The following NFKBIA variants were observed in gnomAD, a reference collection of about 807,000 sequenced individuals.
The protein encoded by NFKBIA is NF-kappa-B inhibitor alpha.
In NFKBIA, 10 loss-of-function variants were observed where a neutral mutation model predicts 36.3. The observed-to-expected ratio is 0.28, with a 90% confidence interval of 0.17 to 0.47. The LOEUF (loss-of-function observed/expected upper bound fraction) is 0.47. Ranked by LOEUF, NFKBIA falls within the 20% of genes least tolerant of loss-of-function variation. The probability of loss-of-function intolerance (pLI) is 0.99; values close to 1 mark genes in which losing one functional copy is unlikely to be tolerated. For missense variants in NFKBIA, 355 were observed against 399.3 expected, an observed-to-expected ratio of 0.89 and a Z score of 0.94; for synonymous variants, 205 against 164.4, an observed-to-expected ratio of 1.25 and a Z score of -1.89.
Position 35,404,664 on chromosome 14 carries a change from C to A in NFKBIA, c.-20G>T. On this transcript the variant is annotated 5_prime_UTR_variant, in exon 1 of 6. Coordinates refer to ENST00000216797, the MANE Select transcript of NFKBIA (RefSeq NM_020529.3). ...GAACATGGCGCGGACGAGCTGCGGG[C>A]GCTGCTGCGGGTGCGCTGGGCCGCG... is the stretch of plus-strand genomic sequence containing the variant. The A allele has an allele frequency of 2.1e-6, 3 of 1,452,690 alleles. No homozygotes were observed. The highest frequency in any genetic ancestry group is 2.7e-6 in the Non-Finnish European group (3 of 1,098,726). The allele number at this position is 1,452,690 out of a possible 1,614,324, so 90.0% of individuals were successfully genotyped here.
rs375256332 is a variant in NFKBIA at position 35,401,989 on chromosome 14, C to T, written c.*24G>A. The T allele has an allele frequency of 4.3e-6, 7 of 1,612,168 alleles. No individual in the cohort carries two copies. Among genetic ancestry groups the T allele is most frequent in the Admixed American group, 3.3e-5 (2 of 59,948 alleles). ...TTTTTTTTGTACAAATATACAAGTC[C>T]ATGTTCTTTCAGCCCCTTTGCGCTC... On this transcript the variant is annotated 3_prime_UTR_variant, in exon 6 of 6. Transcript: ENST00000216797.
chr14:35,404,614 A>T lies in NFKBIA; in HGVS notation c.31T>A (p.Trp11Arg), dbSNP rs1306827115. ...CCGTCGCGGGGGCCCTCCATGGCCC[A>T]CTCCTGGGGGCGCTCGGCCGCCTGG... is the stretch of plus-strand genomic sequence containing the variant. MFQAAERPQE[W>R]AMEGPRDGLK... The change falls in exon 1 of 6, where the codon TGG becomes AGG. Residue 11 changes from tryptophan (W) to arginine (R), a missense_variant. Coordinates refer to ENST00000216797, the MANE Select transcript of NFKBIA (RefSeq NM_020529.3). 1 of 1,553,030 alleles carries T rather than the reference A, an allele frequency of 6.4e-7. No homozygotes were observed. The highest frequency in any genetic ancestry group is 1.4e-5 in the African/African-American group (1 of 71,004).
rs765624161 is a variant in NFKBIA at position 35,404,675 on chromosome 14, G to C, written c.-31C>G. On this transcript the variant is annotated 5_prime_UTR_variant, in exon 1 of 6. Coordinates refer to ENST00000216797, the MANE Select transcript of NFKBIA (RefSeq NM_020529.3). ...GGACGAGCTGCGGGCGCTGCTGCGG[G>C]TGCGCTGGGCCGCGGGCTGCGCGCT... 7.0e-7 allele frequency: 1 copy of C among 1,420,748 alleles called. No individual in the cohort carries two copies. The highest frequency in any genetic ancestry group is 1.4e-5 in the South Asian group (1 of 70,016). The allele number at this position is 1,420,748 out of a possible 1,614,324, so 88.0% of individuals were successfully genotyped here. A position where few individuals can be genotyped will look rare whatever the true frequency, so the allele number is the denominator to read the frequency against.
chr14:35,403,260 G>T lies in NFKBIA; in HGVS notation c.437C>A (p.Thr146Asn), dbSNP rs753691609. 6.2e-7 allele frequency: 1 copy of T among 1,613,624 alleles called. No individual in the cohort carries two copies. Residue 146 changes from threonine (T) to asparagine (N), a missense_variant, in exon 3 of 6, where the codon ACC (threonine) becomes AAC (asparagine). Coordinates refer to ENST00000216797, the MANE Select transcript of NFKBIA (RefSeq NM_020529.3). ...DPELRDFRGN[T>N]PLHLACEQGC... ...CTGCTCACAGGCAAGGTGTAGGGGGGTATTTCCTCGAAAGTCTCGGAGCTC... is the reference window on the plus strand; with the variant it reads ...CTGCTCACAGGCAAGGTGTAGGGGGTTATTTCCTCGAAAGTCTCGGAGCTC...
rs9333352 is a variant in NFKBIA at position 35,401,995 on chromosome 14, C to G, written c.*18G>C. 1.6e-3 allele frequency: 2,547 copies of G among 1,613,102 alleles called. 13 individuals are homozygous for G. Among genetic ancestry groups the G allele is most frequent in the Middle Eastern group, 5.0e-3 (30 of 6,028 alleles). Reference sequence around the variant, plus strand: ...TTGTACAAATATACAAGTCCATGTTCTTTCAGCCCCTTTGCGCTCATAACG... The same window carrying G: ...TTGTACAAATATACAAGTCCATGTTGTTTCAGCCCCTTTGCGCTCATAACG... On this transcript the variant is annotated 3_prime_UTR_variant, in exon 6 of 6. Coordinates refer to ENST00000216797, the MANE Select transcript of NFKBIA (RefSeq NM_020529.3).
Position 35,403,193 on chromosome 14 carries a change from G to A in NFKBIA, c.504C>T (p.Thr168=), listed in dbSNP as rs768764676. 4.3e-6 allele frequency: 7 copies of A among 1,612,194 alleles called. No individual in the cohort carries two copies. In the South Asian group the frequency reaches 7.7e-5, roughly 18 times the overall value. The change falls in exon 3 of 6, where the codon ACC becomes ACT. Residue 168 remains threonine, a synonymous_variant. Coordinates refer to ENST00000216797, the MANE Select transcript of NFKBIA (RefSeq NM_020529.3). ...TCAGGATGGAGTGGAGGTGCGGGGT[G>A]GTGCAGGACTGAGTCAGGACTCCCA... ...ASVGVLTQSC[T]TPHLHSILKA...
Position 35,401,864 on chromosome 14 carries a change from T to C in NFKBIA, c.*149A>G, listed in dbSNP as rs2052728940. The C allele has an allele frequency of 3.6e-6, 3 of 832,712 alleles. No homozygotes were observed. Among genetic ancestry groups the C allele is most frequent in the Admixed American group, 2.2e-5 (1 of 45,864 alleles). 51.6% of individuals were successfully genotyped at this position (832,712 alleles called of 1,614,324 possible). A position where few individuals can be genotyped will look rare whatever the true frequency, so the allele number is the denominator to read the frequency against. On this transcript the variant is annotated 3_prime_UTR_variant, in exon 6 of 6. Transcript: ENST00000216797. ...AAAGCAACAAAATGAGGGCTGATCC[T>C]ACCACAATAAGACGTTTTGGGCCAG...
chr14:35,402,120 C>G, intron 5 of NFKBIA, 60 bp from the exon 6 acceptor site: 2 of 1,598,182 alleles, frequency 1.3e-6, no homozygotes, highest in Non-Finnish European at 1.7e-6. Context: ...GCCAAGCTAC[C>G]GGGATGGGGA....
chr14:35,403,219 C>T lies in NFKBIA; in HGVS notation c.478G>A (p.Val160Met), dbSNP rs2052747640. ...LACEQGCLASVGVLTQSCTTP... is the reference protein window; with the variant it reads ...LACEQGCLASMGVLTQSCTTP... ...GTGCAGGACTGAGTCAGGACTCCCA[C>T]GCTGGCCAGGCAGCCCTGCTCACAG... is the stretch of plus-strand genomic sequence containing the variant. Residue 160 changes from valine (V) to methionine (M), a missense_variant, in exon 3 of 6, where the codon GTG (valine) becomes ATG (methionine). By Grantham distance (21) the Val-to-Met change is conservative (BLOSUM62 1). Transcript: ENST00000216797. 9 of 1,612,720 alleles carry T rather than the reference C, an allele frequency of 5.6e-6. No individual in the cohort carries two copies. Among genetic ancestry groups the T allele is most frequent in the South Asian group, 1.1e-5 (1 of 91,006 alleles).
intron 1 of NFKBIA, 97 bp downstream of exon 1, chr14:35,404,321 T>C: frequency 2.3e-6 from 2 of 873,792 alleles, no homozygotes; most frequent in Non-Finnish European, 3.1e-6. Flanking sequence ...GCATCGCTGG[T>C]CCCCCGGCTC....
chr14:35,403,870 C>A, intron 1 of NFKBIA, 72 bp from the exon 2 acceptor site: 2 of 1,120,688 alleles, frequency 1.8e-6, no homozygotes, highest in Non-Finnish European at 1.3e-6. Context: ...GCGCGGGCTG[C>A]GGGGGATTGC....
chr14:35,404,332 G>A, intron 1 of NFKBIA, 86 bp downstream of exon 1: 2 of 1,004,682 alleles, frequency 2.0e-6, no homozygotes, highest in East Asian at 3.8e-5. Context: ...CCCCCGGCTC[G>A]GGCTCCAGGC....
chr14:35,401,734 A>T lies in NFKBIA; in HGVS notation c.*279T>A. On this transcript the variant is annotated 3_prime_UTR_variant, in exon 6 of 6. Coordinates refer to ENST00000216797, the MANE Select transcript of NFKBIA (RefSeq NM_020529.3). ...AATAAATATAAAATGTGGTCCTTCCATGAAATTTTTGATAACCTTCTCCAA... is the reference window on the plus strand; with the variant it reads ...AATAAATATAAAATGTGGTCCTTCCTTGAAATTTTTGATAACCTTCTCCAA... 3.9e-6 allele frequency: 2 copies of T among 516,590 alleles called. No individual in the cohort carries two copies. Among genetic ancestry groups the T allele is most frequent in the Non-Finnish European group, 6.9e-6 (2 of 289,886 alleles). 32.0% of individuals were successfully genotyped at this position (516,590 alleles called of 1,614,324 possible). A position where few individuals can be genotyped will look rare whatever the true frequency, so the allele number is the denominator to read the frequency against.
At chr14:35,403,410 A>AC in intron 2 of NFKBIA, 50 bp from the exon 3 acceptor site, 1 of 1,591,368 alleles carries the variant, frequency 6.3e-7, no homozygotes, top group Non-Finnish European at 8.6e-7. Flanking sequence ...CCAAACCCAC[A>AC]CCCCGAGTTC....
chr14:35,403,828 G>A (rs2052756509), intron 1 of NFKBIA, 30 bp from the exon 2 acceptor site: 6 of 1,532,500 alleles, frequency 3.9e-6, no homozygotes, highest in Admixed American at 1.7e-5. Flanking sequence ...AAACCCCAGG[G>A]GTGGTGAGTG....
Position 35,401,903 on chromosome 14 carries a change from TG to T in NFKBIA, c.*109del. 1 of 1,222,526 alleles carries T rather than the reference TG, an allele frequency of 8.2e-7. No individual in the cohort carries two copies. The highest frequency in any genetic ancestry group is 1.2e-6 in the Non-Finnish European group (1 of 836,900). 75.7% of individuals were successfully genotyped at this position (1,222,526 alleles called of 1,614,324 possible). A position where few individuals can be genotyped will look rare whatever the true frequency, so the allele number is the denominator to read the frequency against. Reference sequence around the variant, plus strand: ...GTTTTGGGCCAGGCAGTGTGCAGTGTGGATATAAGTACACCCTTTAAATTTT... The same window carrying T: ...GTTTTGGGCCAGGCAGTGTGCAGTGTGATATAAGTACACCCTTTAAATTTT... On this transcript the variant is annotated 3_prime_UTR_variant, in exon 6 of 6. Transcript: ENST00000216797.
In NFKBIA at chr14:35,404,676, T is replaced by C. The variant is rs749968901; in HGVS notation, c.-32A>G. ...GACGAGCTGCGGGCGCTGCTGCGGG[T>C]GCGCTGGGCCGCGGGCTGCGCGCTG... On this transcript the variant is annotated 5_prime_UTR_variant, in exon 1 of 6. Coordinates refer to ENST00000216797, the MANE Select transcript of NFKBIA (RefSeq NM_020529.3). 1 of 1,392,072 alleles carries C rather than the reference T, an allele frequency of 7.2e-7. No homozygotes were observed. Among genetic ancestry groups the C allele is most frequent in the Non-Finnish European group, 9.4e-7 (1 of 1,067,148 alleles). 86.2% of individuals were successfully genotyped at this position (1,392,072 alleles called of 1,614,324 possible).
rs2052736284 is a variant in NFKBIA, at chr14:35,402,291, A to G, written c.906+103T>C. 8 of 1,415,060 alleles carry G rather than the reference A, an allele frequency of 5.7e-6. No individual in the cohort carries two copies. In the South Asian group the frequency reaches 6.9e-5, roughly 12 times the overall value. 87.7% of individuals were successfully genotyped at this position (1,415,060 alleles called of 1,614,324 possible). ...TTATGCACAGAAATTTGAGAGACTC[A>G]TTATGTAGATACCCCTCTGATAAGG... On this transcript the variant is annotated intron_variant, in intron 5 of 5. Transcript: ENST00000216797.
intron 3 of NFKBIA, 76 bp downstream of exon 3, chr14:35,403,074 T>C (rs1428467515): frequency 6.5e-7 from 1 of 1,528,886 alleles, no homozygotes; most frequent in Admixed American, 1.7e-5. Context: ...CTGGACTCCT[T>C]AAGTTGGCCC....
Sources: allele counts gnomAD v4.1 joint callset, GRCh38; gene constraint gnomAD v4.1.1; transcripts MANE v1.5; gene names NCBI Gene and HGNC (gene_info 2026-07-23, HGNC 2026-07-21).